SCAF8: variants seen among roughly 807,000 people sequenced by gnomAD.
The protein encoded by SCAF8 is SR-related CTD associated factor 8, also known as SR-related and CTD-associated factor 8.
Under a neutral mutation model 140.5 loss-of-function variants are expected in SCAF8, and 23 were observed. The observed-to-expected ratio is 0.16, with a 90% CI of 0.12 to 0.23. The LOEUF is 0.23. Ranked by LOEUF, SCAF8 falls within the 10% of genes least tolerant of loss-of-function variation. SCAF8 has a pLI of 1.00. For synonymous variants in SCAF8, 575 were observed against 528.9 expected (o/e 1.09, Z -1.20); for missense variants, 1,397 against 1,555.7 (o/e 0.90, Z 1.72).
At chr6:154,811,297 T>C (rs1778082271) in intron 12 of SCAF8, among the ~76,000 whole-genome samples, 1 of 152,220 alleles carries the variant, frequency 6.6e-6, no homozygotes, top group Admixed American at 6.5e-5. Flanking sequence ...CAGAATTATC[T>C]ATTTATTTGC....
At chr6:154,767,529 CTTTTTTTTTTTTTTTT>C (rs71021076) in intron 1 of SCAF8, among the ~76,000 whole-genome samples, 1 of 91,036 alleles carries the variant, frequency 1.1e-5, no homozygotes, top group African/African-American at 4.1e-5. Flanking sequence ...CTTCTGTTAT[CTTTTTTTTTTTTTTTT>C]TTTTTTTTTT....
chr6:154,825,746 G>A (rs1289091336), intron 17 of SCAF8, among the ~76,000 whole-genome samples: 1 of 149,764 alleles, frequency 6.7e-6, no homozygotes. Flanking sequence ...ACTCCTGGAA[G>A]CAAGTGATCT....
chr6:154,804,626 A>G (rs1051261512), intron 8 of SCAF8, among the ~76,000 whole-genome samples: 1 of 152,184 alleles, frequency 6.6e-6, no homozygotes, highest in Non-Finnish European at 1.5e-5. Context: ...CGCTATCTTT[A>G]GAGATGTAGC....
chr6:154,747,190 T>G (rs1157542399), intron 1 of SCAF8, among the ~76,000 whole-genome samples: 4 of 152,204 alleles, frequency 2.6e-5, no homozygotes, highest in Non-Finnish European at 1.5e-5. Context: ...GGCCTCTTTG[T>G]ATATTCTTCG....
chr6:154,768,752 T>C (rs888146870), intron 1 of SCAF8, among the ~76,000 whole-genome samples: 5 of 152,202 alleles, frequency 3.3e-5, no homozygotes, highest in African/African-American at 1.2e-4. Context: ...AATTTTCTAA[T>C]ATTTATTGGA....
At position 154,801,996 on chromosome 6, in the gene SCAF8, A is replaced by G; in HGVS notation, c.632A>G (p.Gln211Arg). 6.2e-7 allele frequency: 1 copy of G among 1,603,420 alleles called. No homozygotes were observed. The highest frequency in any genetic ancestry group is 8.5e-7 in the Non-Finnish European group (1 of 1,176,344). ...CTTCAACAATTAATACAAACCTTAC[A>G]GATACAACAACAGAAGCCCCAGCCT... ...QQLQQLIQTL[Q>R]IQQQKPQPSI... Residue 211 changes from glutamine (Q) to arginine (R), a missense_variant, in exon 7 of 20, where the codon CAG becomes CGG. Gln to Arg is a conservative substitution (Grantham distance 43). Around this residue, in one of 5 missense-constraint regions of SCAF8, gnomAD observed 339 missense variants for 407.5 expected, o/e 0.83. Coordinates refer to ENST00000367178, the MANE Select transcript of SCAF8 (RefSeq NM_014892.5).
Position 154,754,158 on chromosome 6 carries a change from A to G in SCAF8, c.31-19831A>G, listed in dbSNP as rs181947361. Among the ~76,000 whole-genome samples the G allele has an allele frequency of 3.9e-5, 6 of 152,310 alleles. No individual in the cohort carries two copies. In the East Asian group the frequency reaches 1.2e-3, roughly 29 times the overall value. On this transcript the variant is annotated intron_variant, in intron 1 of 19. Transcript: ENST00000367178. Reference sequence around the variant, plus strand: ...TGAAGATCCTTAAGCCCTATTGAAGACTTAAAATTCATGTTTAAATGCAGT... The same window carrying G: ...TGAAGATCCTTAAGCCCTATTGAAGGCTTAAAATTCATGTTTAAATGCAGT...
chr6:154,787,290 C>T (rs574287702), intron 3 of SCAF8, among the ~76,000 whole-genome samples: 1 of 152,104 alleles, frequency 6.6e-6, no homozygotes, highest in Admixed American at 6.5e-5. Flanking sequence ...CCTGAGAGGT[C>T]GGGGTTGTAG....
At position 154,833,525 on chromosome 6, in the gene SCAF8, T is replaced by G; in HGVS notation, c.*130T>G. ...AGTTAATCTGATGTTCATGTTCACC[T>G]TTCTCTTAAAATAATTGTACAACTG... On this transcript the variant is annotated 3_prime_UTR_variant, in exon 20 of 20. Transcript: ENST00000367178. 1.2e-6 allele frequency: 1 copy of G among 845,120 alleles called. No individual in the cohort carries two copies. 52.4% of individuals were successfully genotyped at this position (845,120 alleles called of 1,614,324 possible). A position where few individuals can be genotyped will look rare whatever the true frequency, so the allele number is the denominator to read the frequency against.
intron 1 of SCAF8, among the ~76,000 whole-genome samples, chr6:154,764,308 CTGT>C (rs1413338943): frequency 1.4e-5 from 2 of 142,900 alleles, no homozygotes; most frequent in African/African-American, 2.7e-5. Flanking sequence ...GAGTCTCGCT[CTGT>C]TGTTTAGTAT....
chr6:154,748,213 C>T (rs1778753256), intron 1 of SCAF8, among the ~76,000 whole-genome samples: 1 of 152,132 alleles, frequency 6.6e-6, no homozygotes, highest in Non-Finnish European at 1.5e-5. Context: ...CTAATTGGCA[C>T]AAACAACCCA....
chr6:154,800,086 G>A (rs958469953), intron 6 of SCAF8, among the ~76,000 whole-genome samples: 6 of 151,228 alleles, frequency 4.0e-5, no homozygotes, highest in African/African-American at 1.5e-4. Context: ...GCACCTGGCC[G>A]TGACTGCTAT....
At chr6:154,749,174 T>C (rs1283980458) in intron 1 of SCAF8, among the ~76,000 whole-genome samples, 5 of 152,190 alleles carry the variant, frequency 3.3e-5, no homozygotes, top group Non-Finnish European at 7.4e-5. Context: ...ACTCCCGACC[T>C]CGGTGATCTG....
Position 154,805,283 on chromosome 6 carries a change from CT to C in SCAF8, c.864-80del, listed in dbSNP as rs1583051595. ...AGTAGAATATGTTTTATTGAATTGACTTTTTTGTTTTCTTTGAATACTCAGT... is the reference window on the plus strand; with the variant it reads ...AGTAGAATATGTTTTATTGAATTGACTTTTTGTTTTCTTTGAATACTCAGT... On this transcript the variant is annotated intron_variant, in intron 8 of 19. Transcript: ENST00000367178. 3.8e-5 allele frequency: 28 copies of C among 737,788 alleles called. No homozygotes were observed. In the East Asian group the frequency reaches 6.6e-4, roughly 17 times the overall value. 45.7% of individuals were successfully genotyped at this position (737,788 alleles called of 1,614,324 possible).
chr6:154,776,688 C>T (rs1379748066), intron 2 of SCAF8, among the ~76,000 whole-genome samples: 1 of 152,040 alleles, frequency 6.6e-6, no homozygotes, highest in African/African-American at 2.4e-5. Flanking sequence ...TAACTTAAAC[C>T]ATTGAGTAAA....
chr6:154,801,660 A>G (rs534840401), intron 6 of SCAF8, among the ~76,000 whole-genome samples: 1 of 151,646 alleles, frequency 6.6e-6, no homozygotes, highest in African/African-American at 2.4e-5. Flanking sequence ...ACTGAGTTTA[A>G]AGAGTTAATT....
chr6:154,822,838 T>C (rs1430886217), intron 16 of SCAF8, among the ~76,000 whole-genome samples: 3 of 152,242 alleles, frequency 2.0e-5, no homozygotes, highest in African/African-American at 7.2e-5. Flanking sequence ...CTCACTCTTC[T>C]AGGTATCAGT....
At chr6:154,766,100 C>T (rs72993422) in intron 1 of SCAF8, among the ~76,000 whole-genome samples, 2,537 of 152,056 alleles carry the variant, frequency 0.017, 27 homozygotes, top group Non-Finnish European at 0.023. Flanking sequence ...AGAAAATTAT[C>T]AGGAAGAGAA....
chr6:154,808,309 TC>T (rs1306714814), intron 10 of SCAF8, 108 bp downstream of exon 10: 1 of 1,128,776 alleles, frequency 8.9e-7, no homozygotes, highest in African/African-American at 1.6e-5. Context: ...ACACTTAAGC[TC>T]CACTTTGTAA....
Sources: allele counts gnomAD v4.1 joint callset (sites outside exome capture counted in the v4.1 genomes callset), GRCh38; gene constraint gnomAD v4.1.1; regional missense constraint gnomAD v4.1.1; transcripts MANE v1.5; gene names NCBI Gene and HGNC (gene_info 2026-07-23, HGNC 2026-07-21).